The following RESF1 variants were observed in gnomAD, a reference collection of about 807,000 sequenced individuals.
The protein encoded by RESF1 is retroelement silencing factor 1.
In RESF1, 65 loss-of-function variants were observed where a neutral mutation model predicts 134.7. The observed-to-expected ratio is 0.48, with a 90% CI of 0.40 to 0.59. The LOEUF is 0.59. RESF1 is among the 20% of genes least tolerant of loss of function. The probability of loss-of-function intolerance (pLI) is 0.00; values close to 1 mark genes in which losing one functional copy is unlikely to be tolerated. For synonymous variants in RESF1, 762 were observed against 702.2 expected, an observed-to-expected ratio of 1.09 and a Z score of -1.35; for missense variants, 2,274 against 2,002.7, an observed-to-expected ratio of 1.14 and a Z score of -2.59.
At chr12:31,971,649 C>A (rs752650390) in intron 3 of RESF1, among the ~76,000 whole-genome samples, 44 of 152,160 alleles carry the variant, frequency 2.9e-4, no homozygotes, top group Admixed American at 5.2e-4. Flanking sequence ...GGCATACACT[C>A]CTAAAATTCG....
chr12:31,963,018 G>A (rs1043853185), intron 2 of RESF1, among the ~76,000 whole-genome samples: 5 of 152,080 alleles, frequency 3.3e-5, no homozygotes, highest in African/African-American at 1.2e-4. Context: ...AGTGAGCTGA[G>A]ATCGCGCCAC....
At position 31,984,621 on chromosome 12, in the gene RESF1, T is replaced by G. The variant is rs1378660474; in HGVS notation, c.3666T>G (p.Ser1222=). 45 of 1,575,174 alleles carry G rather than the reference T, an allele frequency of 2.9e-5. No homozygotes were observed. Among genetic ancestry groups the G allele is most frequent in the Non-Finnish European group, 3.8e-5 (44 of 1,166,256 alleles). Residue 1222 remains serine (S), a synonymous_variant, in exon 4 of 6, where the codon TCT becomes TCG. Transcript: ENST00000312561. ...TNSCKQGERT[S]DRDVTVVQFK... The stretch of plus-strand genomic sequence containing the variant: ...GTTGTAAACAAGGAGAGAGAACTTC[T>G]GATAGAGATGTCACTGTTGTTCAAT...
In RESF1 at chr12:31,982,115, G is replaced by A. The variant is rs377643380; in HGVS notation, c.1160G>A (p.Ser387Asn). The change falls in exon 4 of 6, where the codon AGT becomes AAT. Residue 387 changes from serine (S) to asparagine (N), a missense_variant. Ser to Asn is a conservative substitution (Grantham distance 46, BLOSUM62 1). Coordinates refer to ENST00000312561, the MANE Select transcript of RESF1 (RefSeq NM_018169.4). The stretch of plus-strand genomic sequence containing the variant: ...ACTTCAAATCAAGTACTGGACACAA[G>A]TGTTGCAAAAGAAAAGCTAGTAAGG... Reference protein sequence around the residue: ...NPTSNQVLDTSVAKEKLVRDI... With the variant: ...NPTSNQVLDTNVAKEKLVRDI... The A allele has an allele frequency of 1.1e-5, 18 of 1,613,966 alleles. No individual in the cohort carries two copies. The African/African-American group carries it at 1.6e-4, about 14-fold the overall frequency.
In RESF1 at chr12:31,983,215, A is replaced by C. The variant is rs1224755899; in HGVS notation, c.2260A>C (p.Lys754Gln). 7 of 1,609,446 alleles carry C rather than the reference A, an allele frequency of 4.3e-6. No individual in the cohort carries two copies. The highest frequency in any genetic ancestry group is 5.9e-6 in the Non-Finnish European group (7 of 1,178,198). The change falls in exon 4 of 6, where the codon AAG becomes CAG. Residue 754 changes from lysine to glutamine, a missense_variant. Coordinates refer to ENST00000312561, the MANE Select transcript of RESF1 (RefSeq NM_018169.4). ...NYESSGINIT[K>Q]GTELQIAVVS... ...TGAGTCTTCAGGTATAAATATAACAAAGGGAACAGAACTTCAGATAGCTGT... is the reference window on the plus strand; with the variant it reads ...TGAGTCTTCAGGTATAAATATAACACAGGGAACAGAACTTCAGATAGCTGT...
rs1418160096 is a variant in RESF1 at position 31,981,793 on chromosome 12, C to G, written c.838C>G (p.Pro280Ala). The change falls in exon 4 of 6, where the codon CCT becomes GCT. Residue 280 changes from proline to alanine, a missense_variant. Pro to Ala is a conservative substitution (Grantham distance 27). Coordinates refer to ENST00000312561, the MANE Select transcript of RESF1 (RefSeq NM_018169.4). ...GCAAACTGACAAAAGACCTCCTCCT[C>G]CTCCTTACAACTGTAGATATGGAAG... is the stretch of plus-strand genomic sequence containing the variant. ...ATQTDKRPPPPPYNCRYGSQP... is the reference protein window; with the variant it reads ...ATQTDKRPPPAPYNCRYGSQP... 6.2e-7 allele frequency: 1 copy of G among 1,614,030 alleles called. No homozygotes were observed. Among genetic ancestry groups the G allele is most frequent in the East Asian group, 2.2e-5 (1 of 44,890 alleles).
chr12:31,971,258 T>C (rs1251632075), intron 3 of RESF1, among the ~76,000 whole-genome samples: 1 of 152,212 alleles, frequency 6.6e-6, no homozygotes, highest in Non-Finnish European at 1.5e-5. Flanking sequence ...TTCTCCTGCC[T>C]CATCCTCCCA....
At position 31,967,674 on chromosome 12, in the gene RESF1, T is replaced by TTG. The variant is rs911311292; in HGVS notation, c.-246-2501_-246-2500dup. 1.6e-4 allele frequency among the ~76,000 whole-genome samples: 24 copies of TTG among 151,226 alleles called. No individual in the cohort carries two copies. The Middle Eastern group carries it at 0.01, about 64-fold the overall frequency. On this transcript the variant is annotated intron_variant, in intron 2 of 5. Coordinates refer to ENST00000312561, the MANE Select transcript of RESF1 (RefSeq NM_018169.4). ...TCCGCAGGGGGGATTTTTGTTTTTT[T>TTG]TGTGTGTGTGTGTGTTTTTCATTGA...
rs1305198241 is a variant in RESF1, at chr12:31,984,409, C to G, written c.3454C>G (p.Pro1152Ala). Residue 1152 changes from proline (P) to alanine (A), a missense_variant, in exon 4 of 6, where the codon CCT (proline) becomes GCT (alanine). Physicochemically the swap from Pro to Ala is conservative, Grantham distance 27. Coordinates refer to ENST00000312561, the MANE Select transcript of RESF1 (RefSeq NM_018169.4). ...AGTTAGCCAGTGTGACCTGCAGGCA[C>G]CTGCAGCTGGACAAAGTCGTGATTC... ...EVVSQCDLQA[P>A]AAGQSRDSVI... 6.2e-7 allele frequency: 1 copy of G among 1,614,166 alleles called. No homozygotes were observed. The highest frequency in any genetic ancestry group is 8.5e-7 in the Non-Finnish European group (1 of 1,180,020).
intron 3 of RESF1, 78 bp from the exon 4 acceptor site, chr12:31,980,800 G>A: frequency 1.7e-6 from 1 of 582,850 alleles, no homozygotes; most frequent in Non-Finnish European, 2.9e-6. Flanking sequence ...AATTAGGATG[G>A]ACAGTCAGCT....
chr12:31,982,055 C>T lies in RESF1; in HGVS notation c.1100C>T (p.Thr367Ile), dbSNP rs916756738. Residue 367 changes from threonine to isoleucine, a missense_variant, in exon 4 of 6, where the codon ACT (threonine) becomes ATT (isoleucine). By Grantham distance (89) the Thr-to-Ile change is moderately conservative. Transcript: ENST00000312561. ...GATGGTGTTCAGACTCTTGCTCAAACTAATGAAGAGAAAATAATGGATTCT... is the reference window on the plus strand; with the variant it reads ...GATGGTGTTCAGACTCTTGCTCAAATTAATGAAGAGAAAATAATGGATTCT... ...SVDGVQTLAQTNEEKIMDSCN... is the reference protein window; with the variant it reads ...SVDGVQTLAQINEEKIMDSCN... 2 of 1,614,006 alleles carry T rather than the reference C, an allele frequency of 1.2e-6. No individual in the cohort carries two copies. Among genetic ancestry groups the T allele is most frequent in the Non-Finnish European group, 8.5e-7 (1 of 1,180,018 alleles).
At chr12:31,969,726 C>T (rs932972923) in intron 2 of RESF1, among the ~76,000 whole-genome samples, 9 of 152,092 alleles carry the variant, frequency 5.9e-5, no homozygotes, top group South Asian at 2.1e-4. Flanking sequence ...ACTGCCTCAA[C>T]CCCCTGGGTT....
At chr12:31,974,323 T>G (rs1478108458) in intron 3 of RESF1, among the ~76,000 whole-genome samples, 1 of 152,028 alleles carries the variant, frequency 6.6e-6, no homozygotes, top group East Asian at 1.9e-4. Flanking sequence ...AGGTGCCCCG[T>G]GTCTGGAATC....
chr12:31,985,571 A>G lies in RESF1; in HGVS notation c.4616A>G (p.Lys1539Arg). 1 of 1,598,478 alleles carries G rather than the reference A, an allele frequency of 6.3e-7. No homozygotes were observed. The highest frequency in any genetic ancestry group is 8.5e-7 in the Non-Finnish European group (1 of 1,175,574). Reference sequence around the variant, plus strand: ...AACATTCTAAGGAATGTTAAAGAAAAAGTTGGTGGGAAGCAGCCTGATAAA... The same window carrying G: ...AACATTCTAAGGAATGTTAAAGAAAGAGTTGGTGGGAAGCAGCCTGATAAA... ...TYNILRNVKE[K>R]VGGKQPDKIW... is the part of the protein sequence containing the mutation. The change falls in exon 4 of 6, where the codon AAA (lysine) becomes AGA (arginine). Residue 1539 changes from lysine (K) to arginine (R), a missense_variant. Transcript: ENST00000312561.
At chr12:31,959,963 CTT>C (rs200957660) in intron 1 of RESF1, 5 of 144,552 alleles carry the variant, frequency 3.5e-5, no homozygotes, top group Non-Finnish European at 3.1e-5. Context: ...AAAGAAAAAT[CTT>C]TTTTTTTTTT....
intron 3 of RESF1, among the ~76,000 whole-genome samples, chr12:31,971,234 C>T (rs770029939): frequency 5.9e-5 from 9 of 152,308 alleles, no homozygotes; most frequent in Non-Finnish European, 1.0e-4. Context: ...CCTCCGCCTC[C>T]CGGATTCAAG....
intron 2 of RESF1, among the ~76,000 whole-genome samples, chr12:31,969,584 G>A (rs1939465182): frequency 6.6e-6 from 1 of 152,192 alleles, no homozygotes; most frequent in Non-Finnish European, 1.5e-5. Flanking sequence ...CTGACCTACA[G>A]CAGACCTGGC....
chr12:31,975,850 A>G (rs929142179), intron 3 of RESF1, among the ~76,000 whole-genome samples: 1 of 152,000 alleles, frequency 6.6e-6, no homozygotes, highest in Admixed American at 6.6e-5. Flanking sequence ...ATACATTTCT[A>G]TTTTGTTTGT....
chr12:31,970,974 G>A (rs1408472284), intron 3 of RESF1, among the ~76,000 whole-genome samples: 2 of 152,138 alleles, frequency 1.3e-5, no homozygotes, highest in Non-Finnish European at 2.9e-5. Flanking sequence ...TTGGCCTCCA[G>A]TAAACCTTTA....
chr12:31,985,824 G>A lies in RESF1; in HGVS notation c.4869G>A (p.Val1623=). 6.4e-7 allele frequency: 1 copy of A among 1,566,408 alleles called. No homozygotes were observed. Among genetic ancestry groups the A allele is most frequent in the Non-Finnish European group, 8.6e-7 (1 of 1,164,292 alleles). ...ATAAACATAAGACCTTTTTACCGGT[G>A]AAAGGTAACACAGAAAAATCAAACA... The part of the protein sequence containing the change: ...QENKHKTFLP[V]KGNTEKSNML... The change falls in exon 4 of 6, where the codon GTG becomes GTA. Residue 1623 remains valine, a synonymous_variant. Transcript: ENST00000312561.
Sources: gnomAD v4.1 joint callset for allele counts (sites outside exome capture counted in the v4.1 genomes callset) on GRCh38, gnomAD v4.1.1 for gene constraint, MANE v1.5 for transcripts, NCBI Gene and HGNC (gene_info 2026-07-23, HGNC 2026-07-21) for gene names.